Variants in DCC observed in about 807,000 individuals in gnomAD.
DCC encodes the protein netrin receptor DCC.
Under a neutral mutation model 172.5 loss-of-function variants are expected in DCC, and 58 were observed. The ratio of observed to expected loss-of-function variants is 0.34; its 90% confidence interval spans 0.27 to 0.42. DCC has a LOEUF of 0.42. DCC is among the 10% of genes least tolerant of loss of function. The probability of loss-of-function intolerance (pLI) is 1.00; values close to 1 mark genes in which losing one functional copy is unlikely to be tolerated. For missense variants in DCC, 1,740 were observed against 1,791.0 expected (o/e 0.97, Z 0.51); for synonymous variants, 709 against 644.5 (o/e 1.10, Z -1.52).
At chr18:52,887,581 G>A (rs2039588051) in intron 2 of DCC, among the ~76,000 whole-genome samples, 1 of 152,026 alleles carries the variant, frequency 6.6e-6, no homozygotes. Context: ...ATTAACGAAT[G>A]TTTTAAAAAG....
intron 21 of DCC, among the ~76,000 whole-genome samples, chr18:53,432,880 A>G (rs986970477): frequency 5.3e-5 from 8 of 152,160 alleles, no homozygotes; most frequent in African/African-American, 1.7e-4. Context: ...CTGTCTTTAG[A>G]TCAAGAGATC....
At chr18:52,346,003 A>G (rs1693970149) in intron 1 of DCC, among the ~76,000 whole-genome samples, 1 of 152,174 alleles carries the variant, frequency 6.6e-6, no homozygotes, top group Admixed American at 6.5e-5. Flanking sequence ...TAGAACGTTA[A>G]CCTTTTTCAA....
intron 12 of DCC, among the ~76,000 whole-genome samples, chr18:53,255,602 T>A: frequency 6.6e-6 from 1 of 152,106 alleles, no homozygotes; most frequent in Non-Finnish European, 1.5e-5. Context: ...ATTTTCTTAA[T>A]CCAGTCTATC....
At chr18:53,507,652 G>GAAAAC (rs1028661085) in intron 27 of DCC, among the ~76,000 whole-genome samples, 3 of 152,076 alleles carry the variant, frequency 2.0e-5, no homozygotes, top group Non-Finnish European at 4.4e-5. Context: ...TTTTTTGGTG[G>GAAAAC]AAAACAATGA....
Position 52,999,556 on chromosome 18 carries a change from T to G in DCC, c.986-63749T>G, listed in dbSNP as rs73463139. ...GGCTTTAATAAAAACACTGGCCTTA[T>G]ATCTGACAAAATCTGTTGCTACACT... On this transcript the variant is annotated intron_variant, in intron 5 of 28. Transcript: ENST00000442544. 1.0e-3 allele frequency among the ~76,000 whole-genome samples: 153 copies of G among 152,184 alleles called. 1 individual carries two copies. The highest frequency in any genetic ancestry group is 3.6e-3 in the African/African-American group (150 of 41,546).
rs911380502 is a variant in DCC at position 52,869,344 on chromosome 18, C to G, written c.413-36700C>G. Among the ~76,000 whole-genome samples the G allele has an allele frequency of 5.3e-5, 8 of 152,310 alleles. No individual in the cohort carries two copies. In the East Asian group the frequency reaches 1.2e-3, roughly 22 times the overall value. ...ATAACTCTCAGCAGAGAGGGTAGCT[C>G]CTGTCTATAGCTGGTCGTCCTGTTG... On this transcript the variant is annotated intron_variant, in intron 2 of 28. Transcript: ENST00000442544.
At chr18:53,087,749 G>A (rs1486623730) in intron 7 of DCC, among the ~76,000 whole-genome samples, 9 of 152,282 alleles carry the variant, frequency 5.9e-5, no homozygotes, top group African/African-American at 2.2e-4. Context: ...TAACGTTTAA[G>A]TCTTTAATCC....
intron 1 of DCC, among the ~76,000 whole-genome samples, chr18:52,378,311 A>G (rs79389053): frequency 1.0e-5 from 1 of 99,018 alleles, no homozygotes; most frequent in East Asian, 2.0e-4. Context: ...ATCTCTAAAG[A>G]AAAAAAAAAA....
intron 28 of DCC, 53 bp downstream of exon 28, chr18:53,526,812 T>C (rs1259074617): frequency 1.9e-6 from 3 of 1,599,148 alleles, no homozygotes; most frequent in Non-Finnish European, 1.7e-6. Context: ...TGACTGGCGC[T>C]GTGTAATAGC....
At chr18:53,371,068 T>C (rs1195904026) in intron 15 of DCC, among the ~76,000 whole-genome samples, 1 of 151,974 alleles carries the variant, frequency 6.6e-6, no homozygotes, top group African/African-American at 2.4e-5. Flanking sequence ...ACCTTTTGAA[T>C]TTCTTTATTG....
chr18:53,007,020 G>A (rs115567711), intron 5 of DCC, among the ~76,000 whole-genome samples: 109 of 152,176 alleles, frequency 7.2e-4, no homozygotes, highest in African/African-American at 2.4e-3. Context: ...AGTAGATGGC[G>A]AACCAAATCT....
intron 1 of DCC, among the ~76,000 whole-genome samples, chr18:52,345,069 C>G (rs1983820726): frequency 6.6e-6 from 1 of 152,162 alleles, no homozygotes; most frequent in Admixed American, 6.5e-5. Context: ...CAGAAACTTG[C>G]ACCAAATTGG....
In DCC at chr18:52,507,272, A is replaced by T. The variant is rs971755116; in HGVS notation, c.91+166394A>T. Among the ~76,000 whole-genome samples the T allele has an allele frequency of 1.3e-5, 2 of 152,162 alleles. 1 individual carries two copies. On this transcript the variant is annotated intron_variant, in intron 1 of 28. Transcript: ENST00000442544. ...CTGTCAAATGAATCAAAGTCTGGTG[A>T]ACAGGACTAAGATGTTATTTTTTCT...
At chr18:52,783,174 T>A (rs1239998156) in intron 2 of DCC, among the ~76,000 whole-genome samples, 1 of 152,030 alleles carries the variant, frequency 6.6e-6, no homozygotes, top group Non-Finnish European at 1.5e-5. Context: ...AAATTCAATT[T>A]ATATAAGCTG....
intron 15 of DCC, among the ~76,000 whole-genome samples, chr18:53,357,057 C>T (rs569840762): frequency 3.9e-5 from 6 of 152,122 alleles, no homozygotes; most frequent in South Asian, 2.1e-4. Context: ...TCCAGGCAAG[C>T]GGGATACATC....
At chr18:52,875,019 G>T in intron 2 of DCC, among the ~76,000 whole-genome samples, 1 of 152,092 alleles carries the variant, frequency 6.6e-6, no homozygotes, top group East Asian at 1.9e-4. Context: ...CTAAGGCAGA[G>T]GAATATTGCC....
chr18:52,508,963 C>G (rs1145258), intron 1 of DCC, among the ~76,000 whole-genome samples: 57,869 of 151,830 alleles, frequency 0.38, 11,092 homozygotes, highest in Non-Finnish European at 0.39. Flanking sequence ...CGACTGGCGT[C>G]ACTGACTGAA....
chr18:53,288,564 T>A (rs1346913), intron 12 of DCC, among the ~76,000 whole-genome samples: 42 of 152,170 alleles, frequency 2.8e-4, no homozygotes, highest in African/African-American at 1.0e-3. Context: ...ATCTAATGGC[T>A]TTTGTGCAGA....
chr18:53,432,486 C>T (rs1254374094), intron 21 of DCC, among the ~76,000 whole-genome samples: 1 of 152,136 alleles, frequency 6.6e-6, no homozygotes, highest in African/African-American at 2.4e-5. Flanking sequence ...TATATCTTTG[C>T]ATTAGCTGAC....
Sources: allele counts gnomAD v4.1 joint callset (sites outside exome capture counted in the v4.1 genomes callset), GRCh38; gene constraint gnomAD v4.1.1; transcripts MANE v1.5; gene names NCBI Gene and HGNC (gene_info 2026-07-23, HGNC 2026-07-21).